KCNIP1: variants seen among roughly 807,000 people sequenced by gnomAD.
The protein encoded by KCNIP1 is potassium voltage-gated channel interacting protein 1.
Under a neutral mutation model 33.0 loss-of-function variants are expected in KCNIP1, and 18 were observed. The observed-to-expected ratio is 0.55, with a 90% CI of 0.38 to 0.81. The LOEUF is 0.81. Among genes scored for constraint, KCNIP1 ranks in the 30% least tolerant of loss-of-function variants. The pLI is 0.00. For missense variants in KCNIP1, 238 were observed against 271.6 expected (o/e 0.88, Z 0.87); for synonymous variants, 93 against 98.3 (o/e 0.95, Z 0.32).
chr5:170,472,389 T>C (rs1207049819), intron 1 of KCNIP1, among the ~76,000 whole-genome samples: 2 of 152,238 alleles, frequency 1.3e-5, no homozygotes, highest in African/African-American at 2.4e-5. Flanking sequence ...TGGGGTGAAA[T>C]TGGGGGTCTC....
At chr5:170,543,097 G>A (rs1756273386) in intron 1 of KCNIP1, among the ~76,000 whole-genome samples, 1 of 152,160 alleles carries the variant, frequency 6.6e-6, no homozygotes, top group Non-Finnish European at 1.5e-5. Flanking sequence ...TCCCATTCAT[G>A]AGGGCCCTGC....
intron 1 of KCNIP1, among the ~76,000 whole-genome samples, chr5:170,550,830 A>G (rs778034357): frequency 1.3e-5 from 2 of 152,218 alleles, no homozygotes; most frequent in Non-Finnish European, 2.9e-5. Context: ...CAATGATGAT[A>G]GAGTTTAATC....
At chr5:170,552,550 T>C (rs937039094) in intron 1 of KCNIP1, among the ~76,000 whole-genome samples, 1 of 152,056 alleles carries the variant, frequency 6.6e-6, no homozygotes, top group Non-Finnish European at 1.5e-5. Flanking sequence ...TGTTCGGGCT[T>C]CCATAACAGG....
chr5:170,378,782 G>A, intron 1 of KCNIP1: 4 of 1,614,272 alleles, frequency 2.5e-6, no homozygotes, highest in Non-Finnish European at 2.5e-6. Flanking sequence ...CGGTCAGCAG[G>A]AAGGTGGGCC....
intron 1 of KCNIP1, among the ~76,000 whole-genome samples, chr5:170,417,654 A>G (rs1341906046): frequency 6.6e-6 from 1 of 152,154 alleles, no homozygotes; most frequent in East Asian, 1.9e-4. Context: ...GTGGGTATAC[A>G]GATAGTAAAA....
intron 5 of KCNIP1, among the ~76,000 whole-genome samples, chr5:170,729,828 T>A (rs1764134768): frequency 6.6e-6 from 1 of 152,096 alleles, no homozygotes; most frequent in South Asian, 2.1e-4. Context: ...TCAAAAGCAT[T>A]GAAAGTTATG....
intron 1 of KCNIP1, among the ~76,000 whole-genome samples, chr5:170,572,948 A>G (rs1159383449): frequency 6.6e-6 from 1 of 152,218 alleles, no homozygotes; most frequent in African/African-American, 2.4e-5. Context: ...TTTAAGCCTC[A>G]TAACACCCAC....
chr5:170,458,801 C>T (rs1756445642), intron 1 of KCNIP1, among the ~76,000 whole-genome samples: 1 of 151,936 alleles, frequency 6.6e-6, no homozygotes, highest in African/African-American at 2.4e-5. Flanking sequence ...AAGACAACAA[C>T]AAAAAACAAG....
intron 1 of KCNIP1, among the ~76,000 whole-genome samples, chr5:170,461,964 C>G (rs994813097): frequency 6.6e-6 from 1 of 152,110 alleles, no homozygotes; most frequent in East Asian, 1.9e-4. Flanking sequence ...AAAATCAACT[C>G]AAGATGGATC....
intron 1 of KCNIP1, among the ~76,000 whole-genome samples, chr5:170,634,364 C>T (rs879889380): frequency 6.6e-6 from 1 of 152,148 alleles, no homozygotes; most frequent in Non-Finnish European, 1.5e-5. Flanking sequence ...ACCCCTGCAC[C>T]CCTGAGTTGC....
At chr5:170,380,287 G>A (rs937881945) in intron 1 of KCNIP1, among the ~76,000 whole-genome samples, 2 of 152,170 alleles carry the variant, frequency 1.3e-5, no homozygotes, top group Non-Finnish European at 2.9e-5. Flanking sequence ...TACCTACAGG[G>A]CCCCCATAGC....
chr5:170,691,391 C>T (rs777150935), intron 1 of KCNIP1, among the ~76,000 whole-genome samples: 6 of 152,194 alleles, frequency 3.9e-5, no homozygotes, highest in Admixed American at 2.0e-4. Flanking sequence ...AGCATGGAAA[C>T]GATCTGGTAT....
At chr5:170,363,541 G>A (rs371800715) in intron 1 of KCNIP1, among the ~76,000 whole-genome samples, 3 of 152,226 alleles carry the variant, frequency 2.0e-5, no homozygotes, top group East Asian at 3.9e-4. Flanking sequence ...AACCCTGCCC[G>A]AACCTTAATC....
intron 1 of KCNIP1, among the ~76,000 whole-genome samples, chr5:170,414,865 C>A (rs1373381209): frequency 6.6e-6 from 1 of 152,168 alleles, no homozygotes; most frequent in Non-Finnish European, 1.5e-5. Flanking sequence ...GGGCTTTTCC[C>A]ACTCTGTGGC....
At chr5:170,368,288 C>A (rs1047444507) in intron 1 of KCNIP1, among the ~76,000 whole-genome samples, 1 of 151,564 alleles carries the variant, frequency 6.6e-6, no homozygotes, top group Non-Finnish European at 1.5e-5. Context: ...TTTATTGAGA[C>A]AGAGTCTCAC....
At chr5:170,728,506 T>C (rs1467613097) in intron 5 of KCNIP1, among the ~76,000 whole-genome samples, 1 of 152,144 alleles carries the variant, frequency 6.6e-6, no homozygotes. Context: ...ATAAAATACA[T>C]ATGCAAAAAG....
At chr5:170,611,931 G>C (rs181290487) in intron 1 of KCNIP1, among the ~76,000 whole-genome samples, 3 of 152,188 alleles carry the variant, frequency 2.0e-5, no homozygotes, top group African/African-American at 7.2e-5. Context: ...AACTGAACAC[G>C]AGCCAGGCAC....
intron 1 of KCNIP1, among the ~76,000 whole-genome samples, chr5:170,552,964 C>T (rs577832421): frequency 2.3e-4 from 35 of 152,248 alleles, no homozygotes; most frequent in Non-Finnish European, 4.7e-4. Flanking sequence ...CCTTGGAGGG[C>T]TCCCAAAGAA....
intron 1 of KCNIP1, among the ~76,000 whole-genome samples, chr5:170,714,389 C>T (rs139380000): frequency 1.3e-5 from 2 of 152,308 alleles, no homozygotes; most frequent in Non-Finnish European, 1.5e-5. Context: ...CATTGCTCAA[C>T]GACTTAGGAC....
Sources: allele counts gnomAD v4.1 joint callset (sites outside exome capture counted in the v4.1 genomes callset), GRCh38; gene constraint gnomAD v4.1.1; transcripts MANE v1.5; gene names NCBI Gene and HGNC (gene_info 2026-07-23, HGNC 2026-07-21).